Variants in RNF180 observed in about 807,000 individuals in gnomAD.
RNF180 encodes E3 ubiquitin-protein ligase RNF180.
RNF180 carries 38 observed loss-of-function variants against 59.2 expected under a neutral mutation model. The observed-to-expected ratio is 0.64, with a 90% confidence interval of 0.50 to 0.84. The LOEUF (loss-of-function observed/expected upper bound fraction) is 0.84, where lower values mean the gene tolerates loss of function less well. RNF180 is among the 40% of genes least tolerant of loss of function. The pLI is 0.00. For missense variants in RNF180, 705 were observed against 700.9 expected (o/e 1.01, Z -0.07); for synonymous variants, 262 against 240.3 (o/e 1.09, Z -0.84).
chr5:64,370,354 C>T lies in RNF180; in HGVS notation c.*540C>T, dbSNP rs1746619904. On this transcript the variant is annotated 3_prime_UTR_variant, in exon 8 of 8. Coordinates refer to ENST00000389100, the MANE Select transcript of RNF180 (RefSeq NM_001113561.2). The stretch of plus-strand genomic sequence containing the variant: ...TCTAGTACCAAGAAAACTGACTATT[C>T]TTTTTGTACAGATCTAATTAGTACA... The T allele has an allele frequency of 6.6e-6, 1 of 151,742 alleles. No homozygotes were observed. Among genetic ancestry groups the T allele is most frequent in the African/African-American group, 2.4e-5 (1 of 41,366 alleles). 9.4% of individuals were successfully genotyped at this position (151,742 alleles called of 1,614,324 possible). A position where few individuals can be genotyped will look rare whatever the true frequency, so the allele number is the denominator to read the frequency against.
At chr5:64,359,882 T>C (rs535759170) in intron 7 of RNF180, among the ~76,000 whole-genome samples, 461 of 152,212 alleles carry the variant, frequency 3.0e-3, no homozygotes, top group Non-Finnish European at 5.6e-3. Context: ...GCACCATTTA[T>C]TAAATAGGGA....
At chr5:64,191,301 T>C (rs993378975) in intron 1 of RNF180, among the ~76,000 whole-genome samples, 2 of 152,232 alleles carry the variant, frequency 1.3e-5, no homozygotes, top group African/African-American at 4.8e-5. Context: ...CAATGAATAT[T>C]AACTAAAATT....
At chr5:64,177,565 A>ATGTG (rs1554026630) in intron 1 of RNF180, among the ~76,000 whole-genome samples, 1 of 128,058 alleles carries the variant, frequency 7.8e-6, no homozygotes, top group African/African-American at 3.0e-5. Context: ...ATATATATAT[A>ATGTG]TGTATTTATT....
chr5:64,172,093 G>A (rs1303541440), intron 1 of RNF180, among the ~76,000 whole-genome samples: 2 of 152,144 alleles, frequency 1.3e-5, no homozygotes, highest in Admixed American at 6.6e-5. Context: ...CAACTTGTGG[G>A]CCACTTTTTA....
chr5:64,182,129 T>C (rs2111952402), intron 1 of RNF180, among the ~76,000 whole-genome samples: 1 of 151,716 alleles, frequency 6.6e-6, no homozygotes, highest in South Asian at 2.1e-4. Flanking sequence ...TAGCTGGGAC[T>C]ACAGGCGCCC....
chr5:64,335,599 T>G (rs903307496), intron 7 of RNF180, among the ~76,000 whole-genome samples: 2 of 152,278 alleles, frequency 1.3e-5, no homozygotes, highest in Admixed American at 1.3e-4. Context: ...ATTTCCACAC[T>G]TGGGTCTGTT....
chr5:64,298,999 T>G (rs903496341), intron 5 of RNF180, among the ~76,000 whole-genome samples: 2 of 151,978 alleles, frequency 1.3e-5, no homozygotes, highest in African/African-American at 2.4e-5. Flanking sequence ...GGTGATGGTG[T>G]TGTTAGTATG....
chr5:64,282,437 A>G (rs907389135), intron 5 of RNF180, among the ~76,000 whole-genome samples: 1 of 151,946 alleles, frequency 6.6e-6, no homozygotes, highest in Non-Finnish European at 1.5e-5. Context: ...TTCTCCTTTT[A>G]TACTAATGTA....
chr5:64,205,548 A>T (rs1275539845), intron 2 of RNF180, among the ~76,000 whole-genome samples: 1 of 152,202 alleles, frequency 6.6e-6, no homozygotes, highest in Non-Finnish European at 1.5e-5. Context: ...GGTTTTGGAC[A>T]TGTGAAGTTT....
chr5:64,233,547 G>C (rs1461399071), intron 5 of RNF180, among the ~76,000 whole-genome samples: 1 of 152,140 alleles, frequency 6.6e-6, no homozygotes, highest in Non-Finnish European at 1.5e-5. Context: ...ATTATCATGG[G>C]AATTGTGTGC....
At chr5:64,322,849 G>A (rs1744441064) in intron 5 of RNF180, among the ~76,000 whole-genome samples, 1 of 152,060 alleles carries the variant, frequency 6.6e-6, no homozygotes, top group Non-Finnish European at 1.5e-5. Context: ...GGGAAAGGGG[G>A]AAGGGAGTGA....
At chr5:64,288,758 A>G (rs972342716) in intron 5 of RNF180, among the ~76,000 whole-genome samples, 1 of 152,138 alleles carries the variant, frequency 6.6e-6, no homozygotes, top group Non-Finnish European at 1.5e-5. Context: ...CCTGAGACTT[A>G]GCTGAAGTTG....
At chr5:64,261,292 C>A (rs191375809) in intron 5 of RNF180, among the ~76,000 whole-genome samples, 1 of 152,186 alleles carries the variant, frequency 6.6e-6, no homozygotes, top group East Asian at 1.9e-4. Flanking sequence ...GGTGGCTATA[C>A]CATTTTTGCA....
intron 7 of RNF180, among the ~76,000 whole-genome samples, chr5:64,331,237 G>A (rs529264812): frequency 7.2e-5 from 11 of 152,328 alleles, no homozygotes; most frequent in African/African-American, 1.2e-4. Context: ...TGTGGGCACC[G>A]TGGATGGCAG....
At chr5:64,297,512 A>G (rs1399260318) in intron 5 of RNF180, among the ~76,000 whole-genome samples, 3 of 151,776 alleles carry the variant, frequency 2.0e-5, no homozygotes, top group Non-Finnish European at 4.4e-5. Flanking sequence ...TTTTTCCTTT[A>G]TATAAATTCA....
intron 5 of RNF180, among the ~76,000 whole-genome samples, chr5:64,318,707 AAAT>A (rs750000626): frequency 6.6e-6 from 1 of 152,192 alleles, no homozygotes; most frequent in Non-Finnish European, 1.5e-5. Flanking sequence ...TATATTTTTA[AAAT>A]AATAAATGTA....
chr5:64,317,275 A>G (rs544868659), intron 5 of RNF180, among the ~76,000 whole-genome samples: 50 of 152,268 alleles, frequency 3.3e-4, no homozygotes, highest in African/African-American at 1.2e-3. Flanking sequence ...TTCCCAGTGC[A>G]TATAAAAAGT....
In RNF180 at chr5:64,298,831, G is replaced by T. The variant is rs150426484; in HGVS notation, c.1228-26355G>T. ...GTGCAGTGCAGAGACAACTTTATTG[G>T]TTACTGTTTAATTAGTTCCAGAGCC... On this transcript the variant is annotated intron_variant, in intron 5 of 7. Coordinates refer to ENST00000389100, the MANE Select transcript of RNF180 (RefSeq NM_001113561.2). 8.5e-4 allele frequency among the ~76,000 whole-genome samples: 130 copies of T among 152,090 alleles called. No individual in the cohort carries two copies. The Middle Eastern group carries it at 0.01, about 12-fold the overall frequency.
intron 1 of RNF180, among the ~76,000 whole-genome samples, chr5:64,197,084 T>C (rs574688849): frequency 6.6e-6 from 1 of 152,298 alleles, no homozygotes; most frequent in Admixed American, 6.5e-5. Flanking sequence ...TATTACTGTG[T>C]CAAATGCTGG....
Sources: gnomAD v4.1 joint callset for allele counts (sites outside exome capture counted in the v4.1 genomes callset) on GRCh38, gnomAD v4.1.1 for gene constraint, MANE v1.5 for transcripts, NCBI Gene and HGNC (gene_info 2026-07-23, HGNC 2026-07-21) for gene names.